ARVCF: variants seen among roughly 807,000 people sequenced by gnomAD.
ARVCF encodes the protein ARVCF delta catenin family member.
In ARVCF, 66 loss-of-function variants were observed where a neutral mutation model predicts 90.9. That is an observed-to-expected ratio of 0.73 (90% confidence interval 0.60 to 0.89). ARVCF has a LOEUF of 0.89. ARVCF is among the 40% of genes least tolerant of loss of function. The pLI is 0.00. For missense variants in ARVCF, 1,469 were observed against 1,382.3 expected, an observed-to-expected ratio of 1.06 and a Z score of -1.00; for synonymous variants, 653 against 603.4, an observed-to-expected ratio of 1.08 and a Z score of -1.21.
At chr22:19,979,662 C>A in intron 6 of ARVCF, 81 bp downstream of exon 6, 1 of 1,475,078 alleles carries the variant, frequency 6.8e-7, no homozygotes. Context: ...CGGTCGCAGG[C>A]CGAGTGGCCT....
In ARVCF at chr22:19,979,097, GC is replaced by G; in HGVS notation, c.1397-18del. On this transcript the variant is annotated intron_variant, in intron 6 of 19. Coordinates refer to ENST00000263207, the MANE Select transcript of ARVCF (RefSeq NM_001670.3). ...ACAGGGTGCCTGTGGGGTGCGATTG[GC>G]CAATCTGTGCTGACCATATGCACCG... is the stretch of plus-strand genomic sequence containing the variant. The G allele has an allele frequency of 6.2e-7, 1 of 1,607,168 alleles. No homozygotes were observed. The highest frequency in any genetic ancestry group is 8.5e-7 in the Non-Finnish European group (1 of 1,175,550).
rs549552879 is a variant in ARVCF, at chr22:19,980,273, G to A, written c.897-31C>T. 159 of 1,493,840 alleles carry A rather than the reference G, an allele frequency of 1.1e-4. No individual in the cohort carries two copies. In the East Asian group the frequency reaches 2.9e-3, roughly 28 times the overall value. The allele number at this position is 1,493,840 out of a possible 1,614,324, so 92.5% of individuals were successfully genotyped here. A position where few individuals can be genotyped will look rare whatever the true frequency, so the allele number is the denominator to read the frequency against. On this transcript the variant is annotated intron_variant, in intron 5 of 19. Coordinates refer to ENST00000263207, the MANE Select transcript of ARVCF (RefSeq NM_001670.3). Reference sequence around the variant, plus strand: ...CAGGCAAGTGGGGCGCGTGGACATCGTCACAGCAGCCGCCAGCCCTGCCTC... The same window carrying A: ...CAGGCAAGTGGGGCGCGTGGACATCATCACAGCAGCCGCCAGCCCTGCCTC...
chr22:19,985,817 C>T (rs1271237039), intron 3 of ARVCF, among the ~76,000 whole-genome samples: 1 of 152,238 alleles, frequency 6.6e-6, no homozygotes, highest in Non-Finnish European at 1.5e-5. Flanking sequence ...GGTGAGATTG[C>T]ACACCTGGAT....
chr22:20,016,149 G>A (rs1017810498), intron 1 of ARVCF, among the ~76,000 whole-genome samples: 5 of 152,118 alleles, frequency 3.3e-5, no homozygotes, highest in Admixed American at 1.3e-4. Flanking sequence ...CTTCCCGGCG[G>A]CGCGCTGCCC....
intron 5 of ARVCF, 186 bp downstream of exon 5, chr22:19,981,025 C>T: frequency 1.4e-6 from 1 of 740,584 alleles, no homozygotes; most frequent in Non-Finnish European, 2.1e-6. Context: ...CAGGACAGTG[C>T]CCAGCCGAAC....
Position 19,988,901 on chromosome 22 carries a change from C to T in ARVCF, c.210+1684G>A, listed in dbSNP as rs533539405. ...GGGGCAGGGGTGGTAGGTGGAGGGG[C>T]AGTAGCCTGAGGTCTTGAAGTCTTT... On this transcript the variant is annotated intron_variant, in intron 3 of 19. Coordinates refer to ENST00000263207, the MANE Select transcript of ARVCF (RefSeq NM_001670.3). 5.3e-5 allele frequency among the ~76,000 whole-genome samples: 8 copies of T among 152,290 alleles called. 1 individual carries two copies. The South Asian group carries it at 1.7e-3, about 32-fold the overall frequency.
At chr22:19,982,529 C>T (rs1943561955) in intron 3 of ARVCF, among the ~76,000 whole-genome samples, 1 of 152,162 alleles carries the variant, frequency 6.6e-6, no homozygotes, top group Non-Finnish European at 1.5e-5. Context: ...CTAGCTGGGA[C>T]ATCATGGTGT....
chr22:20,001,675 T>C (rs1481035710), intron 2 of ARVCF, among the ~76,000 whole-genome samples: 1 of 152,018 alleles, frequency 6.6e-6, no homozygotes, highest in African/African-American at 2.4e-5. Flanking sequence ...GGTGTGGTGG[T>C]GCATGCCTGT....
rs376511613 is a variant in ARVCF, at chr22:19,975,761, G to C, written c.1889-4C>G. On this transcript the variant is annotated splice_polypyrimidine_tract_variant and splice_region_variant and intron_variant, in intron 10 of 19. Transcript: ENST00000263207. Reference sequence around the variant, plus strand: ...TCCATCTCACCATCCTTCTTTCCTGGAAGGGAAAGGTGGTGGGAGGTGAGG... The same window carrying C: ...TCCATCTCACCATCCTTCTTTCCTGCAAGGGAAAGGTGGTGGGAGGTGAGG... 9 of 1,613,326 alleles carry C rather than the reference G, an allele frequency of 5.6e-6. No individual in the cohort carries two copies. The highest frequency in any genetic ancestry group is 7.6e-6 in the Non-Finnish European group (9 of 1,179,938).
In ARVCF at chr22:19,973,710, C is replaced by G; in HGVS notation, c.2172G>C (p.Lys724Asn). The G allele has an allele frequency of 1.9e-6, 3 of 1,610,056 alleles. No individual in the cohort carries two copies. Among genetic ancestry groups the G allele is most frequent in the Non-Finnish European group, 2.5e-6 (3 of 1,179,924 alleles). ...GAGCGATGGCGACGGCGCGCACCAC[C>G]TTGTCGGTCTCAGACTGCAGCAGTT... The part of the protein sequence containing the change: ...LVELLQSETD[K>N]VVRAVAIALR... The change falls in exon 13 of 20, where the codon AAG becomes AAC. Residue 724 changes from lysine (K) to asparagine (N), a missense_variant. Lys to Asn is a moderately conservative substitution (Grantham distance 94, BLOSUM62 0). Transcript: ENST00000263207.
chr22:19,991,467 C>T (rs1944023090), intron 2 of ARVCF, among the ~76,000 whole-genome samples: 1 of 152,272 alleles, frequency 6.6e-6, no homozygotes, highest in Non-Finnish European at 1.5e-5. Context: ...AGAGTAAAAA[C>T]TGAGGACAAG....
At position 19,973,261 on chromosome 22, in the gene ARVCF, G is replaced by A. The variant is rs1304609624; in HGVS notation, c.2296C>T (p.Arg766Ter). Reference protein sequence around the residue: ...RNVRNAQAPPRPGACLEEDTV... With the variant: ...RNVRNAQAPP ...TCTTCCTCCAGGCAGGCCCCCGGTC[G>A]CGGCGGAGCCTGTGCATTGCGCACA... Residue 766 changes from arginine to a stop codon, truncating the protein, a stop_gained, in exon 14 of 20, where the codon CGA (arginine) becomes TGA (stop). Transcript: ENST00000263207. LOFTEE classifies it high-confidence loss of function. 6.2e-7 allele frequency: 1 copy of A among 1,609,054 alleles called. No homozygotes were observed. The highest frequency in any genetic ancestry group is 1.1e-5 in the South Asian group (1 of 90,416).
At chr22:19,989,147 C>T (rs1268754297) in intron 3 of ARVCF, among the ~76,000 whole-genome samples, 2 of 152,116 alleles carry the variant, frequency 1.3e-5, no homozygotes, top group Non-Finnish European at 2.9e-5. Context: ...GCTTCCCCGC[C>T]TCAAGTTTGA....
intron 2 of ARVCF, among the ~76,000 whole-genome samples, chr22:20,001,347 A>G (rs966712062): frequency 1.3e-5 from 2 of 152,180 alleles, no homozygotes; most frequent in Non-Finnish European, 2.9e-5. Context: ...GACAAGCACA[A>G]CTTACAGCAG....
chr22:19,979,985 A>G lies in ARVCF; in HGVS notation c.1154T>C (p.Leu385Pro). 6.3e-7 allele frequency: 1 copy of G among 1,596,146 alleles called. No individual in the cohort carries two copies. Among genetic ancestry groups the G allele is most frequent in the Non-Finnish European group, 8.5e-7 (1 of 1,171,924 alleles). The part of the protein sequence containing the change: ...KANAAAYLQH[L>P]CFENEGVKRR... ...CTTGACACCCTCGTTCTCAAAGCAC[A>G]GATGCTGCAGGTAGGCGGCCGCATT... The change falls in exon 6 of 20, where the codon CTG (leucine) becomes CCG (proline). Residue 385 changes from leucine (L) to proline (P), a missense_variant. Transcript: ENST00000263207.
intron 3 of ARVCF, among the ~76,000 whole-genome samples, chr22:19,984,929 C>G (rs2238783): frequency 0.42 from 63,226 of 152,064 alleles, 13,858 homozygotes; most frequent in African/African-American, 0.55. Context: ...GGTGGCTCAG[C>G]TCTCTGCAAC....
In ARVCF at chr22:19,973,327, A is replaced by C; in HGVS notation, c.2240-10T>G. The C allele has an allele frequency of 6.3e-7, 1 of 1,588,006 alleles. No individual in the cohort carries two copies. The highest frequency in any genetic ancestry group is 1.7e-4 in the Middle Eastern group (1 of 6,002). Reference sequence around the variant, plus strand: ...GCCATGGCGTAGCTCCCTGAGGGGCAGGACTAGGTGTCAGAACACACCTCT... The same window carrying C: ...GCCATGGCGTAGCTCCCTGAGGGGCCGGACTAGGTGTCAGAACACACCTCT... On this transcript the variant is annotated splice_polypyrimidine_tract_variant and intron_variant, in intron 13 of 19. Coordinates refer to ENST00000263207, the MANE Select transcript of ARVCF (RefSeq NM_001670.3).
intron 3 of ARVCF, among the ~76,000 whole-genome samples, chr22:19,989,662 G>T (rs1943953338): frequency 6.6e-6 from 1 of 152,182 alleles, no homozygotes; most frequent in African/African-American, 2.4e-5. Context: ...GGTGCTGGGA[G>T]TATGCTGGGG....
At chr22:19,975,626 C>T in intron 11 of ARVCF, 60 bp downstream of exon 11, 1 of 1,595,196 alleles carries the variant, frequency 6.3e-7, no homozygotes, top group Non-Finnish European at 8.6e-7. Flanking sequence ...GCTTCACTAC[C>T]AGGGCAATCC....
Sources: allele counts gnomAD v4.1 joint callset (sites outside exome capture counted in the v4.1 genomes callset), GRCh38; gene constraint gnomAD v4.1.1; transcripts MANE v1.5; gene names NCBI Gene and HGNC (gene_info 2026-07-23, HGNC 2026-07-21).